The following HFM1 variants were observed in gnomAD, a reference collection of about 807,000 sequenced individuals.
HFM1 encodes the protein probable ATP-dependent DNA helicase HFM1.
HFM1 carries 169 observed loss-of-function variants against 192.1 expected under a neutral mutation model. The ratio of observed to expected loss-of-function variants is 0.88; its 90% CI spans 0.78 to 1.00. The LOEUF (loss-of-function observed/expected upper bound fraction) is 1.00, where lower values mean the gene tolerates loss of function less well. HFM1 is among the 50% of genes least tolerant of loss of function. The probability of loss-of-function intolerance (pLI) is 0.00; values close to 1 mark genes in which losing one functional copy is unlikely to be tolerated. For synonymous variants in HFM1, 525 were observed against 537.8 expected (o/e 0.98, Z 0.33); for missense variants, 1,661 against 1,668.0 (o/e 1.00, Z 0.07).
intron 13 of HFM1, among the ~76,000 whole-genome samples, chr1:91,364,097 G>A (rs1386825151): frequency 6.6e-6 from 1 of 151,958 alleles, no homozygotes; most frequent in African/African-American, 2.4e-5. Context: ...CCTAGGTTAT[G>A]CGATGATTTG....
chr1:91,269,649 G>A (rs1460145086), intron 34 of HFM1, among the ~76,000 whole-genome samples: 1 of 152,182 alleles, frequency 6.6e-6, no homozygotes, highest in African/African-American at 2.4e-5. Flanking sequence ...TGGGAATGCA[G>A]AGGAAGGAGG....
At chr1:91,339,368 T>A (rs1655029483) in intron 20 of HFM1, among the ~76,000 whole-genome samples, 1 of 151,896 alleles carries the variant, frequency 6.6e-6, no homozygotes. Flanking sequence ...CATCAGAAAG[T>A]TGAAGTCCAA....
Position 91,380,207 on chromosome 1 carries a change from A to C in HFM1, c.903T>G (p.Ile301Met). The C allele has an allele frequency of 6.3e-7, 1 of 1,581,354 alleles. No individual in the cohort carries two copies. The highest frequency in any genetic ancestry group is 1.4e-5 in the African/African-American group (1 of 73,308). The part of the protein sequence containing the change: ...DLLYTDRNFV[I>M]CAPTGSGKTV... ...TTTTTCCAGAACCAGTTGGAGCACA[A>C]ATCACAAAATTCCTATCTGTGTAAA... The change falls in exon 8 of 39, where the codon ATT (isoleucine) becomes ATG (methionine). Residue 301 changes from isoleucine (I) to methionine (M), a missense_variant. Ile to Met is a conservative substitution (Grantham distance 10). Coordinates refer to ENST00000370425, the MANE Select transcript of HFM1 (RefSeq NM_001017975.6).
intron 18 of HFM1, among the ~76,000 whole-genome samples, chr1:91,349,074 G>C (rs1656567845): frequency 1.3e-5 from 2 of 152,190 alleles, no homozygotes; most frequent in South Asian, 4.1e-4. Context: ...GATCACCTGA[G>C]ATCAGGAGTT....
chr1:91,344,753 G>GT (rs10678480), intron 19 of HFM1, among the ~76,000 whole-genome samples: 119,565 of 141,440 alleles, frequency 0.85, 50,693 homozygotes, highest in Middle Eastern at 0.9. Flanking sequence ...TTCTTTTCTT[G>GT]TTTTTTTTTT....
chr1:91,394,492 GT>G (rs1663407619), intron 3 of HFM1, 90 bp from the exon 4 acceptor site: 1 of 792,348 alleles, frequency 1.3e-6, no homozygotes, highest in Middle Eastern at 3.8e-4. Context: ...AAAATTCCAA[GT>G]TAAGTATGAA....
chr1:91,286,223 C>G (rs1428761542), intron 30 of HFM1, among the ~76,000 whole-genome samples: 1 of 152,182 alleles, frequency 6.6e-6, no homozygotes, highest in Admixed American at 6.5e-5. Flanking sequence ...CTTTTAACAG[C>G]ACAGATTAGT....
chr1:91,404,857 G>C (rs1325172680), upstream of HFM1: 2 of 455,086 alleles, frequency 4.4e-6, no homozygotes, highest in Non-Finnish European at 8.8e-6. Flanking sequence ...TCTGAGGACC[G>C]CCAAGCCTGG....
At chr1:91,373,802 C>T (rs2101949559) in intron 13 of HFM1, among the ~76,000 whole-genome samples, 1 of 152,078 alleles carries the variant, frequency 6.6e-6, no homozygotes, top group South Asian at 2.1e-4. Flanking sequence ...CCAATTAAAC[C>T]TCCCTTCTTT....
At chr1:91,265,851 G>C (rs753204583) in intron 36 of HFM1, among the ~76,000 whole-genome samples, 166 bp downstream of exon 36, 1 of 152,292 alleles carries the variant, frequency 6.6e-6, no homozygotes, top group Non-Finnish European at 1.5e-5. Context: ...TGATGCAGGT[G>C]GTTTCACAAC....
At chr1:91,328,732 TG>T in intron 20 of HFM1, 16 of 1,609,316 alleles carry the variant, frequency 9.9e-6, no homozygotes, top group Non-Finnish European at 1.4e-5. Flanking sequence ...CTCAGGCTGC[TG>T]GGGCCGAGCA....
chr1:91,369,597 T>G (rs11165188), intron 13 of HFM1, among the ~76,000 whole-genome samples: 38,567 of 152,014 alleles, frequency 0.25, 5,240 homozygotes, highest in East Asian at 0.53. Flanking sequence ...AAACAGTGTG[T>G]AGAGGGAAAT....
At chr1:91,279,842 T>C (rs1667297870) in intron 30 of HFM1, among the ~76,000 whole-genome samples, 1 of 152,128 alleles carries the variant, frequency 6.6e-6, no homozygotes, top group Non-Finnish European at 1.5e-5. Flanking sequence ...GCCTCTTGCT[T>C]ACTGTATGCT....
intron 13 of HFM1, among the ~76,000 whole-genome samples, chr1:91,368,996 C>G (rs1339010046): frequency 6.6e-6 from 1 of 152,094 alleles, no homozygotes; most frequent in Non-Finnish European, 1.5e-5. Flanking sequence ...TCAAAAGAGG[C>G]AAAGAAGACT....
chr1:91,265,588 G>A (rs12408911), intron 36 of HFM1, among the ~76,000 whole-genome samples: 29,908 of 152,140 alleles, frequency 0.2, 3,703 homozygotes, highest in South Asian at 0.35. Flanking sequence ...AACAGACTTT[G>A]TGCTGTGGCC....
intron 30 of HFM1, among the ~76,000 whole-genome samples, chr1:91,291,769 A>G (rs1298223022): frequency 6.6e-6 from 1 of 152,016 alleles, no homozygotes; most frequent in Non-Finnish European, 1.5e-5. Context: ...TTTTAGACCA[A>G]TATCCTTGAT....
In HFM1 at chr1:91,277,015, A is replaced by G; in HGVS notation, c.3439T>C (p.Cys1147Arg). The change falls in exon 31 of 39, where the codon TGT (cysteine) becomes CGT (arginine). Residue 1147 changes from cysteine to arginine, a missense_variant. By Grantham distance (180) the Cys-to-Arg change is radical. Coordinates refer to ENST00000370425, the MANE Select transcript of HFM1 (RefSeq NM_001017975.6). ...TGTCCACATGTATGTTTACTTTTACAAAGATGATTGCATTCTCGGTTCCCA... is the reference window on the plus strand; with the variant it reads ...TGTCCACATGTATGTTTACTTTTACGAAGATGATTGCATTCTCGGTTCCCA... ...KPGNRECNHLCKSKHTCGHDC... is the reference protein window; with the variant it reads ...KPGNRECNHLRKSKHTCGHDC... The G allele has an allele frequency of 6.3e-7, 1 of 1,599,276 alleles. No homozygotes were observed. The highest frequency in any genetic ancestry group is 8.5e-7 in the Non-Finnish European group (1 of 1,173,212).
chr1:91,382,072 T>C (rs1661612747), intron 6 of HFM1, among the ~76,000 whole-genome samples: 1 of 152,132 alleles, frequency 6.6e-6, no homozygotes. Flanking sequence ...CCTCTAGCTA[T>C]ACTGAACTCT....
chr1:91,367,443 C>T (rs953990490), intron 13 of HFM1, among the ~76,000 whole-genome samples: 1 of 152,146 alleles, frequency 6.6e-6, no homozygotes. Context: ...ATTTGCGGTT[C>T]ACCAATATCC....
Sources: allele counts gnomAD v4.1 joint callset (sites outside exome capture counted in the v4.1 genomes callset), GRCh38; gene constraint gnomAD v4.1.1; transcripts MANE v1.5; gene names NCBI Gene and HGNC (gene_info 2026-07-23, HGNC 2026-07-21).